PRDM11: variants seen among roughly 807,000 people sequenced by gnomAD.
The protein encoded by PRDM11 is PR domain-containing protein 11.
Under a neutral mutation model 97.8 loss-of-function variants are expected in PRDM11, and 20 were observed. The observed-to-expected ratio is 0.20, with a 90% CI of 0.14 to 0.30. The LOEUF (loss-of-function observed/expected upper bound fraction) is 0.30. PRDM11 is among the 10% of genes least tolerant of loss of function. The pLI, the probability that PRDM11 is intolerant of heterozygous loss-of-function variation, is 1.00. For missense variants in PRDM11, 1,139 were observed against 1,555.2 expected (o/e 0.73, Z 4.50); for synonymous variants, 599 against 637.7 (o/e 0.94, Z 0.91).
chr11:45,177,603 A>G (rs571147481), intron 1 of PRDM11, among the ~76,000 whole-genome samples: 1 of 152,324 alleles, frequency 6.6e-6, no homozygotes, highest in East Asian at 1.9e-4. Context: ...ATTTCAAAGT[A>G]GAGATGTCTA....
intron 1 of PRDM11, among the ~76,000 whole-genome samples, chr11:45,101,567 A>AAAAAAAAAAGAAGAAG (rs767802218): frequency 0.026 from 2,518 of 96,596 alleles, 140 homozygotes; most frequent in Admixed American, 0.032. Flanking sequence ...AAAAAAAAAA[A>AAAAAAAAAAGAAGAAG]AAGAAGAAGA....
At position 45,224,517 on chromosome 11, in the gene PRDM11, CAAT is replaced by C. The variant is rs750061958; in HGVS notation, c.1044_1046del (p.Met349del). 3.5e-5 allele frequency: 56 copies of C among 1,614,028 alleles called. No homozygotes were observed. Among genetic ancestry groups the C allele is most frequent in the Admixed American group, 2.3e-4 (14 of 59,988 alleles). On this transcript the variant is annotated inframe_deletion, in exon 7 of 8. Transcript: ENST00000683152. ...GACGCCTACAGTCAGTGTGCAACAA[CAAT>C]GACCCATGGTGTGCAGAATATAGGC...
chr11:45,173,279 C>T (rs1424105794), intron 1 of PRDM11, among the ~76,000 whole-genome samples: 5 of 152,014 alleles, frequency 3.3e-5, no homozygotes, highest in Non-Finnish European at 5.9e-5. Context: ...AATGAGGTAA[C>T]GGATACCATA....
chr11:45,223,537 A>G lies in PRDM11; in HGVS notation c.743-680A>G, dbSNP rs563859725. Reference sequence around the variant, plus strand: ...GTCCTTTATCTTGTCGGAGGCTGCCATGTTGGAGCCCTCAGCGCCATAGGT... The same window carrying G: ...GTCCTTTATCTTGTCGGAGGCTGCCGTGTTGGAGCCCTCAGCGCCATAGGT... On this transcript the variant is annotated intron_variant, in intron 6 of 7. Transcript: ENST00000683152. Among the ~76,000 whole-genome samples, 6 of 152,290 alleles carry G rather than the reference A, an allele frequency of 3.9e-5. No homozygotes were observed. The East Asian group carries it at 1.2e-3, about 29-fold the overall frequency.
intron 1 of PRDM11, among the ~76,000 whole-genome samples, chr11:45,166,589 A>C (rs1047880024): frequency 2.0e-5 from 3 of 152,254 alleles, no homozygotes; most frequent in African/African-American, 7.2e-5. Flanking sequence ...CTGGGCTGCA[A>C]GCCCCCTGAG....
chr11:45,099,794 A>G (rs147720559), intron 1 of PRDM11, among the ~76,000 whole-genome samples: 1 of 152,242 alleles, frequency 6.6e-6, no homozygotes, highest in Admixed American at 6.5e-5. Flanking sequence ...TGTGCTATCA[A>G]ATAGTAGGTC....
At chr11:45,113,844 T>A (rs1438510176) in intron 1 of PRDM11, among the ~76,000 whole-genome samples, 10 of 149,432 alleles carry the variant, frequency 6.7e-5, no homozygotes, top group Admixed American at 6.7e-4. Flanking sequence ...TTTTTTTTTT[T>A]ACAAAAAATC....
chr11:45,158,658 G>C (rs1040782477), intron 1 of PRDM11, among the ~76,000 whole-genome samples: 1 of 152,168 alleles, frequency 6.6e-6, no homozygotes, highest in South Asian at 2.1e-4. Context: ...GCCATAGAGC[G>C]AGGGCCTCCC....
At chr11:45,208,921 A>C in intron 5 of PRDM11, 1 of 456,308 alleles carries the variant, frequency 2.2e-6, no homozygotes, top group Non-Finnish European at 4.4e-6. Context: ...AAGTTCTCCA[A>C]GGAGGAGCTG....
At chr11:45,218,815 C>T (rs1014037145) in intron 5 of PRDM11, among the ~76,000 whole-genome samples, 15 of 152,154 alleles carry the variant, frequency 9.9e-5, no homozygotes, top group African/African-American at 3.1e-4. Context: ...TGGGCATTGC[C>T]GAGTTGGTGC....
chr11:45,136,987 T>TAG (rs1320488401), intron 1 of PRDM11, among the ~76,000 whole-genome samples: 1 of 52,738 alleles, frequency 1.9e-5, no homozygotes, highest in Admixed American at 2.1e-4. Flanking sequence ...CTACTAAAAA[T>TAG]ACAAAAAAAA....
At position 45,114,595 on chromosome 11, in the gene PRDM11, G is replaced by T. The variant is rs112971111; in HGVS notation, c.96+18694G>T. On this transcript the variant is annotated intron_variant, in intron 1 of 6. Coordinates refer to the PRDM11 transcript ENST00000530656. ...AATAAGCTCACTGAACCCCAAGAAAGATAAAAATAAAAGGAAGCAGTTCCT... is the reference window on the plus strand; with the variant it reads ...AATAAGCTCACTGAACCCCAAGAAATATAAAAATAAAAGGAAGCAGTTCCT... Among the ~76,000 whole-genome samples the T allele has an allele frequency of 1.6e-3, 245 of 151,886 alleles. 1 individual carries two copies. Among genetic ancestry groups the T allele is most frequent in the South Asian group, 5.2e-3 (25 of 4,792 alleles).
chr11:45,145,863 A>AC (rs1195254586), upstream of PRDM11, among the ~76,000 whole-genome samples: 5 of 150,802 alleles, frequency 3.3e-5, no homozygotes, highest in Admixed American at 3.3e-4. Flanking sequence ...TGACAATTCC[A>AC]CCCCCGGCCC....
chr11:45,137,721 C>A (rs953766711), intron 1 of PRDM11, among the ~76,000 whole-genome samples: 2 of 152,164 alleles, frequency 1.3e-5, no homozygotes, highest in African/African-American at 4.8e-5. Flanking sequence ...CCAATCCAGC[C>A]TGGGTGACAC....
upstream of PRDM11, among the ~76,000 whole-genome samples, chr11:45,141,931 AC>A (rs1851412619): frequency 6.6e-6 from 1 of 152,178 alleles, no homozygotes; most frequent in South Asian, 2.1e-4. Flanking sequence ...GGGAAAGGGC[AC>A]ACTCTGCTTC....
At chr11:45,178,149 TCTC>T (rs974265974) in intron 1 of PRDM11, among the ~76,000 whole-genome samples, 29 of 151,874 alleles carry the variant, frequency 1.9e-4, no homozygotes, top group African/African-American at 7.0e-4. Flanking sequence ...TTCTCCCTTC[TCTC>T]CTCCTTCTCT....
chr11:45,140,116 A>G (rs1192411511), intron 1 of PRDM11, among the ~76,000 whole-genome samples: 1 of 152,228 alleles, frequency 6.6e-6, no homozygotes, highest in Non-Finnish European at 1.5e-5. Flanking sequence ...CAAAAATAGT[A>G]GGAAATATAT....
chr11:45,157,604 C>A (rs73464590), intron 1 of PRDM11, among the ~76,000 whole-genome samples: 3,515 of 152,308 alleles, frequency 0.023, 102 homozygotes, highest in African/African-American at 0.064. Flanking sequence ...GAAGGCTGTT[C>A]CTCGATTGTG....
In PRDM11 at chr11:45,228,169, G is replaced by A. The variant is rs544366240; in HGVS notation, c.*10G>A. ...TTACCCCGACATTTAGGGAGCTGGC[G>A]CTGCAGAGTTCACTAAGCTGTTGAA... On this transcript the variant is annotated 3_prime_UTR_variant, in exon 8 of 8. Transcript: ENST00000683152. The A allele has an allele frequency of 9.3e-6, 14 of 1,503,842 alleles. No homozygotes were observed. The highest frequency in any genetic ancestry group is 4.7e-4 in the Middle Eastern group (2 of 4,238). The allele number at this position is 1,503,842 out of a possible 1,614,324, so 93.2% of individuals were successfully genotyped here. A position where few individuals can be genotyped will look rare whatever the true frequency, so the allele number is the denominator to read the frequency against.
Sources: allele counts gnomAD v4.1 joint callset (sites outside exome capture counted in the v4.1 genomes callset), GRCh38; gene constraint gnomAD v4.1.1; transcripts MANE v1.5; gene names NCBI Gene and HGNC (gene_info 2026-07-23, HGNC 2026-07-21).